Variants in SPATS2 observed in about 807,000 individuals in gnomAD.
SPATS2 encodes spermatogenesis-associated serine-rich protein 2.
SPATS2 carries 38 observed loss-of-function variants against 63.7 expected under a neutral mutation model. The observed-to-expected ratio is 0.60, with a 90% confidence interval of 0.46 to 0.78. The LOEUF (loss-of-function observed/expected upper bound fraction) is 0.78, where lower values mean the gene tolerates loss of function less well. Ranked by LOEUF, SPATS2 falls within the 30% of genes least tolerant of loss-of-function variation. SPATS2 has a pLI of 0.00. For missense variants in SPATS2, 588 were observed against 666.2 expected (o/e 0.88, Z 1.29); for synonymous variants, 207 against 232.9 (o/e 0.89, Z 1.01).
rs374566215 is a variant in SPATS2 at position 49,456,092 on chromosome 12, G to A, written c.-243-4678G>A. On this transcript the variant is annotated intron_variant, in intron 2 of 13. Coordinates refer to ENST00000552918, the MANE Select transcript of SPATS2 (RefSeq NM_023071.4). ...GCCTGTGGGTATGGGGTTTTTCTGT[G>A]CTTTGCTTCACAAGTCAGCCCCCTC... Among the ~76,000 whole-genome samples the A allele has an allele frequency of 4.7e-4, 71 of 152,224 alleles. No individual in the cohort carries two copies. In the South Asian group the frequency reaches 0.012, roughly 26 times the overall value.
At chr12:49,506,908 T>C (rs965957752) in intron 9 of SPATS2, among the ~76,000 whole-genome samples, 7 of 151,900 alleles carry the variant, frequency 4.6e-5, no homozygotes, top group African/African-American at 1.7e-4. Flanking sequence ...CCGAGGAGCA[T>C]CTGTATTGTT....
chr12:49,508,523 A>G (rs1159821978), intron 9 of SPATS2, among the ~76,000 whole-genome samples: 1 of 147,904 alleles, frequency 6.8e-6, no homozygotes, highest in Non-Finnish European at 1.5e-5. Context: ...AGCCAAAATC[A>G]CAGTTTCAAA....
intron 2 of SPATS2, among the ~76,000 whole-genome samples, chr12:49,456,812 T>A (rs187486764): frequency 5.9e-4 from 90 of 152,348 alleles, no homozygotes; most frequent in Non-Finnish European, 1.1e-3. Context: ...GATTTTTCTG[T>A]TCCCTATATT....
rs142631778 is a variant in SPATS2 at position 49,491,503 on chromosome 12, C to T, written c.264+772C>T. On this transcript the variant is annotated intron_variant, in intron 6 of 13. Transcript: ENST00000552918. The stretch of plus-strand genomic sequence containing the variant: ...GCTGAGGTGGGAGGATCACTTGCGC[C>T]CAGGAGTTCAAGTCTGGGCAACATG... Among the ~76,000 whole-genome samples the T allele has an allele frequency of 7.2e-4, 109 of 152,038 alleles. 2 individuals are homozygous for T. In the East Asian group the frequency reaches 0.019, roughly 27 times the overall value.
chr12:49,450,141 G>C (rs1215825560), intron 2 of SPATS2, among the ~76,000 whole-genome samples: 1 of 150,956 alleles, frequency 6.6e-6, no homozygotes, highest in Non-Finnish European at 1.5e-5. Flanking sequence ...CAATCTCTCT[G>C]TGTTTGAATC....
At chr12:49,411,817 T>G (rs1423372664) in intron 2 of SPATS2, among the ~76,000 whole-genome samples, 1 of 152,188 alleles carries the variant, frequency 6.6e-6, no homozygotes, top group East Asian at 1.9e-4. Context: ...CTATTCTTCT[T>G]TCACAGTACC....
intron 2 of SPATS2, among the ~76,000 whole-genome samples, chr12:49,420,023 C>T (rs757227677): frequency 1.3e-5 from 2 of 152,176 alleles, no homozygotes; most frequent in Non-Finnish European, 2.9e-5. Flanking sequence ...AATACCATTT[C>T]AAACAATTCT....
In SPATS2 at chr12:49,522,796, G is replaced by A; in HGVS notation, c.1054G>A (p.Ala352Thr). The A allele has an allele frequency of 6.2e-7, 1 of 1,613,860 alleles. No homozygotes were observed. The highest frequency in any genetic ancestry group is 8.5e-7 in the Non-Finnish European group (1 of 1,179,804). Residue 352 changes from alanine (A) to threonine (T), a missense_variant, in exon 12 of 14, where the codon GCC becomes ACC. Ala to Thr is a moderately conservative substitution (Grantham distance 58, BLOSUM62 0). Transcript: ENST00000552918. ...RKYDEDLGRVARFTCDVETLK... is the reference protein window; with the variant it reads ...RKYDEDLGRVTRFTCDVETLK... ...ATATGATGAGGATCTGGGACGAGTA[G>A]CCCGGTTCACCTGTGATGTAGAGAC...
chr12:49,489,424 C>T (rs1171843499), intron 4 of SPATS2, 41 bp from the exon 5 acceptor site: 5 of 1,540,132 alleles, frequency 3.2e-6, no homozygotes, highest in Non-Finnish European at 4.5e-6. Flanking sequence ...GCCTAGTGAC[C>T]TACTAATGTT....
intron 2 of SPATS2, among the ~76,000 whole-genome samples, chr12:49,403,323 A>G (rs1944638228): frequency 6.6e-6 from 1 of 152,090 alleles, no homozygotes; most frequent in Non-Finnish European, 1.5e-5. Flanking sequence ...CTGTTATTTC[A>G]GCGATTCAAA....
chr12:49,525,780 A>C (rs1057060641), intron 13 of SPATS2, among the ~76,000 whole-genome samples, 164 bp from the exon 14 acceptor site: 1 of 152,264 alleles, frequency 6.6e-6, no homozygotes, highest in Non-Finnish European at 1.5e-5. Context: ...GTTCTGAAGT[A>C]GTGGCTAGGT....
intron 2 of SPATS2, among the ~76,000 whole-genome samples, chr12:49,437,804 CA>C (rs925651756): frequency 2.6e-5 from 4 of 151,980 alleles, no homozygotes; most frequent in East Asian, 1.9e-4. Flanking sequence ...GGCTCGGCAT[CA>C]GGGGGAGACC....
chr12:49,387,739 G>A (rs1944344462), intron 2 of SPATS2, among the ~76,000 whole-genome samples: 2 of 151,834 alleles, frequency 1.3e-5, no homozygotes, highest in Non-Finnish European at 2.9e-5. Flanking sequence ...TAAAGAACCT[G>A]AAGAGATTAG....
At chr12:49,370,869 C>G (rs1009564907) in intron 1 of SPATS2, among the ~76,000 whole-genome samples, 1 of 152,006 alleles carries the variant, frequency 6.6e-6, no homozygotes, top group African/African-American at 2.4e-5. Context: ...TGTTTGACCA[C>G]GCCCAGTTAA....
chr12:49,488,024 A>G (rs182912355), intron 4 of SPATS2, among the ~76,000 whole-genome samples: 1 of 151,976 alleles, frequency 6.6e-6, no homozygotes, highest in African/African-American at 2.4e-5. Context: ...TACATTTAAA[A>G]TGATGTATAT....
intron 6 of SPATS2, among the ~76,000 whole-genome samples, chr12:49,494,232 C>A (rs185249056): frequency 4.6e-5 from 7 of 152,104 alleles, no homozygotes; most frequent in African/African-American, 1.4e-4. Flanking sequence ...ATACCCTCAA[C>A]CTTTATCAAT....
At chr12:49,459,565 C>G (rs1468122705) in intron 2 of SPATS2, among the ~76,000 whole-genome samples, 1 of 151,766 alleles carries the variant, frequency 6.6e-6, no homozygotes, top group Admixed American at 6.6e-5. Context: ...TCCGGCTGGT[C>G]TTGAACTCCC....
intron 9 of SPATS2, among the ~76,000 whole-genome samples, chr12:49,510,027 C>G (rs985913016): frequency 2.0e-5 from 3 of 151,096 alleles, no homozygotes; most frequent in Non-Finnish European, 2.9e-5. Flanking sequence ...GAGGCCAAGG[C>G]GAGAGAATCA....
At chr12:49,436,721 G>T (rs1176020325) in intron 2 of SPATS2, among the ~76,000 whole-genome samples, 2 of 143,308 alleles carry the variant, frequency 1.4e-5, no homozygotes, top group Non-Finnish European at 3.1e-5. Context: ...GGGGCGGCTG[G>T]CCGGGCGGGG....
Sources: allele counts gnomAD v4.1 joint callset (sites outside exome capture counted in the v4.1 genomes callset), GRCh38; gene constraint gnomAD v4.1.1; transcripts MANE v1.5; gene names NCBI Gene and HGNC (gene_info 2026-07-23, HGNC 2026-07-21).